The following GRAMD1C variants were observed in gnomAD, a reference collection of about 807,000 sequenced individuals.
The protein encoded by GRAMD1C is GRAM domain containing 1C.
In GRAMD1C, 89 loss-of-function variants were observed where a neutral mutation model predicts 97.8. The observed-to-expected ratio is 0.91, with a 90% CI of 0.77 to 1.09. GRAMD1C has a LOEUF of 1.09. Ranked by LOEUF, GRAMD1C falls within the 50% of genes least tolerant of loss-of-function variation. GRAMD1C has a pLI of 0.00. For missense variants in GRAMD1C, 740 were observed against 766.4 expected (o/e 0.97, Z 0.41); for synonymous variants, 256 against 267.0 (o/e 0.96, Z 0.40).
At chr3:113,851,455 A>G in intron 2 of GRAMD1C, among the ~76,000 whole-genome samples, 1 of 151,998 alleles carries the variant, frequency 6.6e-6, no homozygotes, top group Non-Finnish European at 1.5e-5. Context: ...TAACTAGTAT[A>G]CTTAGGTTTT....
chr3:113,890,950 C>A, intron 6 of GRAMD1C: 1 of 506,136 alleles, frequency 2.0e-6, no homozygotes, highest in South Asian at 3.7e-5. Flanking sequence ...ACTGCATTTA[C>A]TGGCTGGAAG....
At chr3:113,860,372 A>T (rs1934316323) in intron 2 of GRAMD1C, among the ~76,000 whole-genome samples, 2 of 152,162 alleles carry the variant, frequency 1.3e-5, no homozygotes, top group Admixed American at 6.6e-5. Flanking sequence ...TTATTGAAAG[A>T]TATTTAAAAA....
In GRAMD1C at chr3:113,884,087, GAA is replaced by G. The variant is rs373568847; in HGVS notation, c.540+1256_540+1257del. 4.2e-3 allele frequency among the ~76,000 whole-genome samples: 639 copies of G among 152,224 alleles called. 13 individuals are homozygous for G. The highest frequency in any genetic ancestry group is 0.035 in the South Asian group (170 of 4,824). On this transcript the variant is annotated intron_variant, in intron 6 of 17. Coordinates refer to ENST00000358160, the MANE Select transcript of GRAMD1C (RefSeq NM_017577.5). ...AGACCAACAAGGAAATATAAGACTT[GAA>G]CACCACTATAGACTAACTAAAAGAC...
At chr3:113,835,716 A>G (rs1318933630), upstream of GRAMD1C, among the ~76,000 whole-genome samples, 2 of 152,212 alleles carry the variant, frequency 1.3e-5, no homozygotes, top group East Asian at 3.8e-4. Context: ...CAGCATAGGG[A>G]CATAGTCATT....
intron 10 of GRAMD1C, chr3:113,920,213 AC>A: frequency 6.6e-6 from 8 of 1,203,956 alleles, no homozygotes; most frequent in Middle Eastern, 2.2e-4. Flanking sequence ...TGAATAGGAG[AC>A]CAAAAAAAAA....
rs531063680 is a variant in GRAMD1C at position 113,914,918 on chromosome 3, T to C, written c.953-783T>C. 1.7e-4 allele frequency among the ~76,000 whole-genome samples: 26 copies of C among 152,294 alleles called. No homozygotes were observed. In the South Asian group the frequency reaches 5.2e-3, roughly 30 times the overall value. ...TGAGAATAAGATGAGTCAATACTTGTAAGGTATGTAGCACAATGTCTAACA... is the reference window on the plus strand; with the variant it reads ...TGAGAATAAGATGAGTCAATACTTGCAAGGTATGTAGCACAATGTCTAACA... On this transcript the variant is annotated intron_variant, in intron 9 of 17. Coordinates refer to ENST00000358160, the MANE Select transcript of GRAMD1C (RefSeq NM_017577.5).
chr3:113,936,596 C>A, intron 14 of GRAMD1C, 154 bp downstream of exon 14: 1 of 543,186 alleles, frequency 1.8e-6, no homozygotes, highest in Non-Finnish European at 3.2e-6. Context: ...TTTAAGATAA[C>A]TAATATATAA....
At chr3:113,904,000 G>A (rs145513627) in intron 7 of GRAMD1C, 140 bp from the exon 8 acceptor site, 1 of 538,952 alleles carries the variant, frequency 1.9e-6, no homozygotes, top group Non-Finnish European at 3.3e-6. Context: ...CTTGTTATAA[G>A]TAAACATTTA....
At chr3:113,846,202 G>A (rs141564237) in intron 2 of GRAMD1C, among the ~76,000 whole-genome samples, 2,350 of 151,964 alleles carry the variant, frequency 0.015, 63 homozygotes, top group African/African-American at 0.054. Flanking sequence ...TGCCTCCTGG[G>A]TTCAAGTGCT....
At chr3:113,856,200 A>G (rs889621322) in intron 2 of GRAMD1C, among the ~76,000 whole-genome samples, 8 of 152,066 alleles carry the variant, frequency 5.3e-5, no homozygotes, top group African/African-American at 1.9e-4. Flanking sequence ...AATTTAACAC[A>G]TTTATTCTAA....
rs889226828 is a variant in GRAMD1C, at chr3:113,876,334, G to A, written c.459+74G>A. ...CCCTCATACTCATCATCAATGTTGG[G>A]AAATTAGGCAGTTCTTCCTGGAGTT... On this transcript the variant is annotated intron_variant, in intron 5 of 17. Coordinates refer to ENST00000358160, the MANE Select transcript of GRAMD1C (RefSeq NM_017577.5). 60 of 750,498 alleles carry A rather than the reference G, an allele frequency of 8.0e-5. No homozygotes were observed. In the Admixed American group the frequency reaches 1.3e-3, roughly 16 times the overall value. 46.5% of individuals were successfully genotyped at this position (750,498 alleles called of 1,614,324 possible). A position where few individuals can be genotyped will look rare whatever the true frequency, so the allele number is the denominator to read the frequency against.
At chr3:113,869,480 A>C (rs1322440439) in intron 2 of GRAMD1C, 27 bp from the exon 3 acceptor site, 3 of 1,061,532 alleles carry the variant, frequency 2.8e-6, no homozygotes, top group Non-Finnish European at 2.9e-6. Context: ...ACAATTAGAC[A>C]GAAATGTAAT....
chr3:113,839,130 C>T (rs1709707341), intron 1 of GRAMD1C, among the ~76,000 whole-genome samples, 194 bp downstream of exon 1: 1 of 152,126 alleles, frequency 6.6e-6, no homozygotes, highest in Non-Finnish European at 1.5e-5. Flanking sequence ...TCCCTACGGG[C>T]GGTGGTGGGG....
intron 9 of GRAMD1C, among the ~76,000 whole-genome samples, chr3:113,912,774 A>G (rs1172164112): frequency 3.3e-5 from 5 of 152,066 alleles, no homozygotes; most frequent in Non-Finnish European, 7.4e-5. Context: ...TTTATGTTTC[A>G]GTTTTGAGGA....
At chr3:113,945,269 G>T (rs112397754) in intron 17 of GRAMD1C, 129 bp from the exon 18 acceptor site, 1 of 644,392 alleles carries the variant, frequency 1.6e-6, no homozygotes. Flanking sequence ...TGTATTTAAC[G>T]TTTTATTTGG....
intron 2 of GRAMD1C, among the ~76,000 whole-genome samples, chr3:113,851,095 C>G (rs1265484303): frequency 2.6e-5 from 4 of 152,178 alleles, no homozygotes; most frequent in Non-Finnish European, 5.9e-5. Flanking sequence ...AGCCACTGCA[C>G]CCGGCCTATA....
At chr3:113,908,713 A>G (rs1398660626) in intron 8 of GRAMD1C, among the ~76,000 whole-genome samples, 1 of 152,092 alleles carries the variant, frequency 6.6e-6, no homozygotes, top group Non-Finnish European at 1.5e-5. Flanking sequence ...GCTCTTTTAT[A>G]TGGTGTTTTT....
intron 5 of GRAMD1C, among the ~76,000 whole-genome samples, chr3:113,879,725 C>T (rs1310419894): frequency 7.1e-6 from 1 of 140,388 alleles, no homozygotes; most frequent in African/African-American, 2.6e-5. Context: ...CAGAGTTTCA[C>T]TCTTGTCAAC....
In GRAMD1C at chr3:113,844,489, A is replaced by G. The variant is rs200881985; in HGVS notation, c.28-14A>G. The G allele has an allele frequency of 1.3e-6, 2 of 1,572,444 alleles. No homozygotes were observed. Among genetic ancestry groups the G allele is most frequent in the South Asian group, 1.1e-5 (1 of 87,336 alleles). Reference sequence around the variant, plus strand: ...CTCAATAAATAATTGACTTAGTTTGATATTTGTTTCCAGGTGATGAATGAA... The same window carrying G: ...CTCAATAAATAATTGACTTAGTTTGGTATTTGTTTCCAGGTGATGAATGAA... On this transcript the variant is annotated splice_polypyrimidine_tract_variant and intron_variant, in intron 1 of 17. Coordinates refer to ENST00000358160, the MANE Select transcript of GRAMD1C (RefSeq NM_017577.5).
Sources: allele counts gnomAD v4.1 joint callset (sites outside exome capture counted in the v4.1 genomes callset), GRCh38; gene constraint gnomAD v4.1.1; transcripts MANE v1.5; gene names NCBI Gene and HGNC (gene_info 2026-07-23, HGNC 2026-07-21).